Variants in CNOT6L observed in about 807,000 individuals in gnomAD.
CNOT6L encodes CCR4-NOT transcription complex subunit 6-like.
CNOT6L carries 7 observed loss-of-function variants against 64.0 expected under a neutral mutation model. That is an observed-to-expected ratio of 0.11 (90% CI 0.06 to 0.21). The LOEUF is 0.21. Among genes scored for constraint, CNOT6L ranks in the 10% least tolerant of loss-of-function variants. The probability of loss-of-function intolerance (pLI) is 1.00; values close to 1 mark genes in which losing one functional copy is unlikely to be tolerated. For synonymous variants in CNOT6L, 193 were observed against 243.4 expected, an observed-to-expected ratio of 0.79 and a Z score of 1.93; for missense variants, 245 against 669.0, an observed-to-expected ratio of 0.37 and a Z score of 6.99.
At chr4:77,737,403 G>GTTTT (rs1723076948) in intron 8 of CNOT6L, among the ~76,000 whole-genome samples, 1 of 116,048 alleles carries the variant, frequency 8.6e-6, no homozygotes, top group African/African-American at 3.4e-5. Context: ...TATTTGTACC[G>GTTTT]TTCTTTTTTT....
chr4:77,769,845 G>A (rs1440268190), intron 4 of CNOT6L, among the ~76,000 whole-genome samples: 1 of 152,048 alleles, frequency 6.6e-6, no homozygotes, highest in East Asian at 1.9e-4. Flanking sequence ...AATTAGTGAG[G>A]TCCTACATAT....
chr4:77,820,216 C>T (rs1734122937), upstream of CNOT6L, among the ~76,000 whole-genome samples: 1 of 152,126 alleles, frequency 6.6e-6, no homozygotes, highest in South Asian at 2.1e-4. Context: ...TAACAAGGTG[C>T]AGAGAGTGCG....
chr4:77,764,718 A>G (rs7687049), intron 4 of CNOT6L, among the ~76,000 whole-genome samples: 142,515 of 152,212 alleles, frequency 0.94, 66,794 homozygotes, highest in East Asian at 1. Flanking sequence ...AGAACTCGGA[A>G]TTATGAATGG....
chr4:77,797,882 T>C (rs537443017), intron 1 of CNOT6L, among the ~76,000 whole-genome samples: 1 of 152,252 alleles, frequency 6.6e-6, no homozygotes, highest in South Asian at 2.1e-4. Context: ...AGAGCCAAAA[T>C]TATAAAATAT....
chr4:77,737,174 A>G (rs1723045601), intron 8 of CNOT6L, among the ~76,000 whole-genome samples: 1 of 152,228 alleles, frequency 6.6e-6, no homozygotes, highest in Non-Finnish European at 1.5e-5. Context: ...AGTCAAGACA[A>G]TAGTATAATC....
intron 3 of CNOT6L, among the ~76,000 whole-genome samples, chr4:77,773,552 A>T (rs1727842778): frequency 6.6e-6 from 1 of 152,238 alleles, no homozygotes; most frequent in Non-Finnish European, 1.5e-5. Flanking sequence ...AATAGAAAAA[A>T]GTACAAATTT....
chr4:77,726,311 T>C lies in CNOT6L; in HGVS notation c.1311A>G (p.Glu437=). The part of the protein sequence containing the change: ...GVADNHKDFK[E]LRYNECLMNF... Reference sequence around the variant, plus strand: ...TCATAAGACACTCATTGTACCTTAGTTCCTTGAAGTCTTTATGGTTGTCAG... The same window carrying C: ...TCATAAGACACTCATTGTACCTTAGCTCCTTGAAGTCTTTATGGTTGTCAG... The change falls in exon 11 of 12, where the codon GAA becomes GAG. Residue 437 remains glutamate (E), a synonymous_variant. Coordinates refer to ENST00000504123, the MANE Select transcript of CNOT6L (RefSeq NM_144571.3). 1.2e-6 allele frequency: 2 copies of C among 1,613,824 alleles called. No individual in the cohort carries two copies. The highest frequency in any genetic ancestry group is 2.2e-5 in the East Asian group (1 of 44,856).
At chr4:77,756,039 A>AGCG (rs1725541479) in intron 5 of CNOT6L, among the ~76,000 whole-genome samples, 1 of 152,014 alleles carries the variant, frequency 6.6e-6, no homozygotes, top group African/African-American at 2.4e-5. Flanking sequence ...GCTGGAGTGC[A>AGCG]GCGGCACGAT....
rs56926683 is a variant in CNOT6L, at chr4:77,767,062, CAAAAAAAAAA to C, written c.400+6009_400+6018del. Among the ~76,000 whole-genome samples, 11 of 25,964 alleles carry C rather than the reference CAAAAAAAAAA, an allele frequency of 4.2e-4. No homozygotes were observed. The South Asian group carries it at 0.011, about 25-fold the overall frequency. 17.0% of individuals were successfully genotyped at this position (25,964 alleles called of 152,430 possible). A position where few individuals can be genotyped will look rare whatever the true frequency, so the allele number is the denominator to read the frequency against. On this transcript the variant is annotated intron_variant, in intron 4 of 11. Transcript: ENST00000504123. ...TGGGCAACAGAGCGAAACTCCGTCT[CAAAAAAAAAA>C]AAAAAAAAAAAAAAGGGAAAAAAGA... is the stretch of plus-strand genomic sequence containing the variant.
At position 77,787,612 on chromosome 4, in the gene CNOT6L, A is replaced by G. The variant is rs1729600759; in HGVS notation, c.6-11220T>C. Among the ~76,000 whole-genome samples the G allele has an allele frequency of 2.0e-5, 3 of 152,302 alleles. No homozygotes were observed. The South Asian group carries it at 6.2e-4, about 32-fold the overall frequency. ...TTCATTCAGTTAGCACAAGACTCAA[A>G]TCTAAAATGTGTACTCAAACTCTTC... On this transcript the variant is annotated intron_variant, in intron 1 of 11. Coordinates refer to ENST00000504123, the MANE Select transcript of CNOT6L (RefSeq NM_144571.3).
At chr4:77,819,387 G>C (rs1734041061), upstream of CNOT6L, 5 of 1,608,162 alleles carry the variant, frequency 3.1e-6, no homozygotes, top group Non-Finnish European at 4.2e-6. Flanking sequence ...GCGCGCGCGC[G>C]CGCACCAGGC....
intron 11 of CNOT6L, among the ~76,000 whole-genome samples, chr4:77,723,948 C>A (rs1435614324): frequency 6.6e-6 from 1 of 151,996 alleles, no homozygotes; most frequent in Non-Finnish European, 1.5e-5. Flanking sequence ...TATTTATGGA[C>A]AAGGAAGAAG....
intron 5 of CNOT6L, among the ~76,000 whole-genome samples, chr4:77,751,443 G>A (rs953841167): frequency 2.0e-5 from 3 of 152,128 alleles, no homozygotes; most frequent in African/African-American, 7.2e-5. Context: ...CAGAGTTCCA[G>A]AAGGACAGGA....
intron 1 of CNOT6L, among the ~76,000 whole-genome samples, chr4:77,778,089 T>C (rs1310869849): frequency 6.6e-6 from 1 of 152,206 alleles, no homozygotes; most frequent in Non-Finnish European, 1.5e-5. Context: ...GAACTTCATA[T>C]AGCACAAAGA....
chr4:77,744,224 C>T (rs1723936939), intron 7 of CNOT6L, among the ~76,000 whole-genome samples: 1 of 151,894 alleles, frequency 6.6e-6, no homozygotes, highest in Non-Finnish European at 1.5e-5. Context: ...TTATAAAGTG[C>T]TATAAAACAG....
chr4:77,740,594 T>C (rs1723473912), intron 8 of CNOT6L, among the ~76,000 whole-genome samples: 1 of 152,202 alleles, frequency 6.6e-6, no homozygotes, highest in South Asian at 2.1e-4. Flanking sequence ...AGGAAATAGC[T>C]GTATAGCTGC....
intron 1 of CNOT6L, among the ~76,000 whole-genome samples, chr4:77,784,923 C>A (rs1729273989): frequency 1.3e-5 from 2 of 152,080 alleles, no homozygotes; most frequent in South Asian, 4.1e-4. Context: ...TATATTTCCC[C>A]ATGCAGAAAT....
chr4:77,759,623 G>A (rs1725957330), intron 4 of CNOT6L, among the ~76,000 whole-genome samples: 1 of 150,458 alleles, frequency 6.6e-6, no homozygotes, highest in Non-Finnish European at 1.5e-5. Flanking sequence ...CATATCAAAA[G>A]AATAAACAGG....
At chr4:77,796,128 A>C (rs1443893916) in intron 1 of CNOT6L, among the ~76,000 whole-genome samples, 2 of 152,098 alleles carry the variant, frequency 1.3e-5, no homozygotes, top group Non-Finnish European at 2.9e-5. Context: ...AATATCTAAT[A>C]GGTAGTTGTT....
Sources: gnomAD v4.1 joint callset for allele counts (sites outside exome capture counted in the v4.1 genomes callset) on GRCh38, gnomAD v4.1.1 for gene constraint, MANE v1.5 for transcripts, NCBI Gene and HGNC (gene_info 2026-07-23, HGNC 2026-07-21) for gene names.